CDH8: variants seen among roughly 807,000 people sequenced by gnomAD.
CDH8 encodes the protein cadherin 8.
A neutral mutation model predicts 68.1 loss-of-function variants in CDH8; 17 were observed. The observed-to-expected ratio is 0.25, with a 90% CI of 0.17 to 0.37. CDH8 has a LOEUF of 0.37. CDH8 is among the 10% of genes least tolerant of loss of function. The pLI, the probability that CDH8 is intolerant of heterozygous loss-of-function variation, is 1.00. For missense variants in CDH8, 763 were observed against 999.3 expected (o/e 0.76, Z 3.19); for synonymous variants, 372 against 365.1 (o/e 1.02, Z -0.21).
In CDH8 at chr16:61,724,427, T is replaced by C. The variant is rs183418410; in HGVS notation, c.1536+2667A>G. 3.3e-5 allele frequency among the ~76,000 whole-genome samples: 5 copies of C among 150,886 alleles called. No homozygotes were observed. In the East Asian group the frequency reaches 9.8e-4, roughly 30 times the overall value. On this transcript the variant is annotated intron_variant, in intron 9 of 11. Coordinates refer to ENST00000577390, the MANE Select transcript of CDH8 (RefSeq NM_001796.5). ...CATGTTGATACTCGTTTTCATTTTGTGAGCCGTTTTGAAAACCTCTTTACA... is the reference window on the plus strand; with the variant it reads ...CATGTTGATACTCGTTTTCATTTTGCGAGCCGTTTTGAAAACCTCTTTACA...
intron 10 of CDH8, among the ~76,000 whole-genome samples, chr16:61,674,820 T>C (rs1305100580): frequency 6.6e-6 from 1 of 151,656 alleles, no homozygotes; most frequent in Admixed American, 6.6e-5. Context: ...TAAAATAATA[T>C]CTGAAATGAA....
At chr16:61,688,914 T>C (rs1161927075) in intron 10 of CDH8, among the ~76,000 whole-genome samples, 3 of 151,926 alleles carry the variant, frequency 2.0e-5, no homozygotes, top group Admixed American at 6.6e-5. Flanking sequence ...TGTGAGAAGG[T>C]TTGGGAGGTT....
At chr16:61,951,311 A>G (rs1326842717) in intron 2 of CDH8, among the ~76,000 whole-genome samples, 1 of 152,080 alleles carries the variant, frequency 6.6e-6, no homozygotes, top group African/African-American at 2.4e-5. Flanking sequence ...GGAGATCGAG[A>G]CCATCCTGGC....
intron 2 of CDH8, among the ~76,000 whole-genome samples, chr16:62,015,323 A>G (rs192930234): frequency 5.9e-5 from 9 of 152,286 alleles, no homozygotes; most frequent in Admixed American, 3.9e-4. Context: ...AAATCTGAAA[A>G]TATCTCAAAT....
intron 10 of CDH8, among the ~76,000 whole-genome samples, chr16:61,661,535 G>A (rs996907142): frequency 6.6e-6 from 1 of 151,744 alleles, no homozygotes; most frequent in Non-Finnish European, 1.5e-5. Flanking sequence ...AAAAAATTAT[G>A]AAACAAATAT....
intron 4 of CDH8, among the ~76,000 whole-genome samples, chr16:61,844,547 A>C (rs576780052): frequency 3.9e-5 from 6 of 152,198 alleles, no homozygotes; most frequent in African/African-American, 1.4e-4. Flanking sequence ...AGGGTATAGG[A>C]GGCACATTAC....
At chr16:62,016,973 T>TA (rs930396786) in intron 2 of CDH8, among the ~76,000 whole-genome samples, 3 of 151,966 alleles carry the variant, frequency 2.0e-5, no homozygotes, top group African/African-American at 4.8e-5. Flanking sequence ...AATCAATACA[T>TA]AAAAAAAATT....
chr16:61,813,516 G>A (rs1046654988), intron 7 of CDH8, among the ~76,000 whole-genome samples: 4 of 152,154 alleles, frequency 2.6e-5, no homozygotes, highest in African/African-American at 9.7e-5. Context: ...TGAGGGAACT[G>A]GCCCAGGGCT....
intron 2 of CDH8, among the ~76,000 whole-genome samples, chr16:61,978,629 C>T (rs977871152): frequency 6.6e-6 from 1 of 152,108 alleles, no homozygotes; most frequent in African/African-American, 2.4e-5. Context: ...AGTTTCCATG[C>T]ATTGGTCCCC....
chr16:61,979,570 CA>C (rs1965496376), intron 2 of CDH8, among the ~76,000 whole-genome samples: 1 of 151,754 alleles, frequency 6.6e-6, no homozygotes, highest in Admixed American at 6.6e-5. Context: ...GTAATAGGCA[CA>C]GGGGGTAAAA....
intron 10 of CDH8, among the ~76,000 whole-genome samples, chr16:61,677,840 A>G (rs1333721207): frequency 6.6e-6 from 1 of 151,960 alleles, no homozygotes; most frequent in African/African-American, 2.4e-5. Flanking sequence ...GGTTCAGGCC[A>G]TGATGGGAAG....
intron 1 of CDH8, among the ~76,000 whole-genome samples, chr16:62,024,034 TG>T (rs1477860104): frequency 6.6e-6 from 1 of 152,016 alleles, no homozygotes; most frequent in African/African-American, 2.4e-5. Flanking sequence ...TTTTTAGAAT[TG>T]GGGGAGGGGT....
intron 10 of CDH8, among the ~76,000 whole-genome samples, chr16:61,707,112 G>T (rs1964549320): frequency 6.6e-6 from 1 of 152,082 alleles, no homozygotes; most frequent in Non-Finnish European, 1.5e-5. Context: ...AAGGGAAAAT[G>T]GAAAAGCATA....
chr16:61,672,458 T>C (rs1282475220), intron 10 of CDH8, among the ~76,000 whole-genome samples: 6 of 152,114 alleles, frequency 3.9e-5, no homozygotes, highest in Non-Finnish European at 8.8e-5. Context: ...ATATTTTGAC[T>C]GTGTTCACAT....
chr16:61,945,743 C>A (rs184502385), intron 2 of CDH8, among the ~76,000 whole-genome samples: 8 of 152,130 alleles, frequency 5.3e-5, no homozygotes, highest in African/African-American at 1.9e-4. Context: ...AAATTAGAAA[C>A]GACCAGCTGG....
At chr16:61,801,611 A>T (rs1596980120) in intron 7 of CDH8, among the ~76,000 whole-genome samples, 1 of 152,142 alleles carries the variant, frequency 6.6e-6, no homozygotes, top group African/African-American at 2.4e-5. Flanking sequence ...GGGTGCGTGC[A>T]CCATGCGCGA....
intron 9 of CDH8, 185 bp downstream of exon 9, chr16:61,726,909 A>G (rs1959389308): frequency 1.6e-6 from 1 of 612,632 alleles, no homozygotes; most frequent in Non-Finnish European, 2.8e-6. Context: ...ATTTGGTCAT[A>G]AGTAGGAAGA....
chr16:61,876,938 T>G (rs766559281), intron 3 of CDH8, among the ~76,000 whole-genome samples: 76 of 152,278 alleles, frequency 5.0e-4, no homozygotes, highest in Admixed American at 7.8e-4. Context: ...ATTTACTTAC[T>G]TGCTTTACCC....
At chr16:61,959,453 G>A (rs868583772) in intron 2 of CDH8, among the ~76,000 whole-genome samples, 5 of 151,764 alleles carry the variant, frequency 3.3e-5, no homozygotes, top group Middle Eastern at 3.4e-3. Context: ...AAAGCATAGG[G>A]CCCCTTGGGG....
Sources: allele counts gnomAD v4.1 joint callset (sites outside exome capture counted in the v4.1 genomes callset), GRCh38; gene constraint gnomAD v4.1.1; transcripts MANE v1.5; gene names NCBI Gene and HGNC (gene_info 2026-07-23, HGNC 2026-07-21).